The following VCL variants were observed in gnomAD, a reference collection of about 807,000 sequenced individuals.
VCL encodes epididymis luminal protein 114.
Under a neutral mutation model 125.7 loss-of-function variants are expected in VCL, and 47 were observed. The observed-to-expected ratio is 0.37, with a 90% CI of 0.30 to 0.48. The LOEUF (loss-of-function observed/expected upper bound fraction) is 0.48, where lower values mean the gene tolerates loss of function less well. Among genes scored for constraint, VCL ranks in the 20% least tolerant of loss-of-function variants. The pLI, the probability that VCL is intolerant of heterozygous loss-of-function variation, is 0.99. For synonymous variants in VCL, 458 were observed against 514.6 expected, an observed-to-expected ratio of 0.89 and a Z score of 1.49; for missense variants, 1,069 against 1,455.5, an observed-to-expected ratio of 0.73 and a Z score of 4.32.
At chr10:74,043,825 T>C (rs946019011) in intron 2 of VCL, among the ~76,000 whole-genome samples, 5 of 151,380 alleles carry the variant, frequency 3.3e-5, no homozygotes, top group Admixed American at 6.6e-5. Context: ...ATTATTGTTT[T>C]GGCCGGGCGT....
intron 14 of VCL, among the ~76,000 whole-genome samples, chr10:74,103,358 T>A (rs900947985): frequency 6.6e-6 from 1 of 152,216 alleles, no homozygotes; most frequent in Non-Finnish European, 1.5e-5. Flanking sequence ...TCACTTAAAT[T>A]TTCTGAGACT....
chr10:74,036,268 T>C (rs1332911802), intron 1 of VCL, among the ~76,000 whole-genome samples: 1 of 152,192 alleles, frequency 6.6e-6, no homozygotes, highest in East Asian at 1.9e-4. Flanking sequence ...CATGGCACGA[T>C]CTCGGCTCAC....
At chr10:74,041,104 C>T (rs1396854798) in intron 1 of VCL, among the ~76,000 whole-genome samples, 1 of 152,208 alleles carries the variant, frequency 6.6e-6, no homozygotes, top group Non-Finnish European at 1.5e-5. Flanking sequence ...TCACCTTGGT[C>T]TCCCAAAGTG....
At chr10:74,043,476 A>G (rs1841135657) in intron 2 of VCL, among the ~76,000 whole-genome samples, 1 of 151,912 alleles carries the variant, frequency 6.6e-6, no homozygotes, top group Non-Finnish European at 1.5e-5. Flanking sequence ...CCTCTGGAAT[A>G]GCTTGGATTA....
At chr10:74,045,747 T>TA (rs1841188259) in intron 2 of VCL, among the ~76,000 whole-genome samples, 1 of 152,042 alleles carries the variant, frequency 6.6e-6, no homozygotes, top group Admixed American at 6.6e-5. Flanking sequence ...AGGGTAGTCC[T>TA]ACCTCTGGGA....
chr10:74,080,071 GA>G (rs1839652871), intron 6 of VCL, among the ~76,000 whole-genome samples: 1 of 151,974 alleles, frequency 6.6e-6, no homozygotes, highest in Non-Finnish European at 1.5e-5. Flanking sequence ...TTATTAAGGA[GA>G]AAAAAAGAAA....
chr10:74,090,805 A>G (rs199802396), intron 10 of VCL, among the ~76,000 whole-genome samples: 1 of 145,072 alleles, frequency 6.9e-6, no homozygotes, highest in African/African-American at 2.6e-5. Flanking sequence ...TTTATTTTTT[A>G]TTTTTATTTT....
At position 74,118,498 on chromosome 10, in the gene VCL, C is replaced by T. The variant is rs911490986; in HGVS notation, c.*329C>T. On this transcript the variant is annotated 3_prime_UTR_variant, in exon 22 of 22. Coordinates refer to ENST00000211998, the MANE Select transcript of VCL (RefSeq NM_014000.3). ...ACACTAGCCAGACACTCTGCTCTGCCCTTGTTCCCTAGGGGACACTTCCCT... is the reference window on the plus strand; with the variant it reads ...ACACTAGCCAGACACTCTGCTCTGCTCTTGTTCCCTAGGGGACACTTCCCT... The T allele has an allele frequency of 7.9e-6, 3 of 381,178 alleles. No homozygotes were observed. The Admixed American group carries it at 1.1e-4, about 14-fold the overall frequency. 23.6% of individuals were successfully genotyped at this position (381,178 alleles called of 1,614,324 possible).
intron 6 of VCL, among the ~76,000 whole-genome samples, chr10:74,079,230 A>C (rs1021039217): frequency 1.3e-5 from 2 of 152,194 alleles, no homozygotes; most frequent in African/African-American, 4.8e-5. Context: ...GGAGCATAAC[A>C]TGGTGGGGGA....
intron 17 of VCL, among the ~76,000 whole-genome samples, chr10:74,108,452 A>T (rs1482407791): frequency 6.6e-6 from 1 of 151,964 alleles, no homozygotes; most frequent in Non-Finnish European, 1.5e-5. Flanking sequence ...GATGCAACCA[A>T]AACAGTAGCT....
At chr10:74,088,021 C>T (rs1222890549) in intron 8 of VCL, among the ~76,000 whole-genome samples, 1 of 152,096 alleles carries the variant, frequency 6.6e-6, no homozygotes, top group Non-Finnish European at 1.5e-5. Context: ...AAAAAACCCA[C>T]AGAGGCTAGA....
chr10:74,094,607 C>A, intron 11 of VCL, 146 bp downstream of exon 11: 1 of 1,071,446 alleles, frequency 9.3e-7, no homozygotes, highest in Non-Finnish European at 1.4e-6. Context: ...CAAATGCAGC[C>A]AGTAAAATTC....
chr10:74,107,431 T>C, intron 17 of VCL, 77 bp downstream of exon 17: 2 of 1,610,744 alleles, frequency 1.2e-6, no homozygotes, highest in Non-Finnish European at 1.7e-6. Flanking sequence ...GATTGTGTTT[T>C]AGAGCCTCCA....
rs766393966 is a variant in VCL, at chr10:74,090,051, C to T, written c.1205C>T (p.Pro402Leu). The change falls in exon 10 of 22, where the codon CCG becomes CTG. Residue 402 changes from proline to leucine, a missense_variant. This residue lies in a region of VCL where 760 missense variants were observed against 928.9 expected (regional missense o/e 0.82). Transcript: ENST00000211998. ...QNWLADPNGGPEGEEQIRGAL... is the reference protein window; with the variant it reads ...QNWLADPNGGLEGEEQIRGAL... ...TGGCTTGCAGATCCAAATGGTGGAC[C>T]GGAAGGAGAAGAGCAGATTCGAGGT... is the stretch of plus-strand genomic sequence containing the variant. The T allele has an allele frequency of 3.6e-5, 58 of 1,613,786 alleles. No homozygotes were observed. The highest frequency in any genetic ancestry group is 4.4e-5 in the Non-Finnish European group (52 of 1,179,976).
chr10:74,102,014 C>T (rs1235907455), intron 14 of VCL, among the ~76,000 whole-genome samples: 6 of 141,364 alleles, frequency 4.2e-5, no homozygotes, highest in African/African-American at 8.1e-5. Flanking sequence ...TACAGGCACC[C>T]GCCACCATGC....
At chr10:74,036,872 A>T (rs900353458) in intron 1 of VCL, among the ~76,000 whole-genome samples, 6 of 151,804 alleles carry the variant, frequency 4.0e-5, no homozygotes, top group African/African-American at 1.5e-4. Context: ...CATTTTGTGA[A>T]TTAATCCCTT....
chr10:74,024,047 A>G (rs1205915151), intron 1 of VCL, among the ~76,000 whole-genome samples: 1 of 152,208 alleles, frequency 6.6e-6, no homozygotes, highest in Non-Finnish European at 1.5e-5. Context: ...GATATCATAA[A>G]GGTTACTCTT....
chr10:74,040,503 G>A (rs1045112211), intron 1 of VCL, among the ~76,000 whole-genome samples: 1 of 152,110 alleles, frequency 6.6e-6, no homozygotes, highest in African/African-American at 2.4e-5. Flanking sequence ...CCTTTATACT[G>A]AATGTGAACT....
At chr10:74,014,567 A>C (rs999270875) in intron 1 of VCL, among the ~76,000 whole-genome samples, 1 of 151,742 alleles carries the variant, frequency 6.6e-6, no homozygotes. Flanking sequence ...AAAAAAAAAG[A>C]AAAAAAGCAA....
Sources: allele counts gnomAD v4.1 joint callset (sites outside exome capture counted in the v4.1 genomes callset), GRCh38; gene constraint gnomAD v4.1.1; regional missense constraint gnomAD v4.1.1; transcripts MANE v1.5; gene names NCBI Gene and HGNC (gene_info 2026-07-23, HGNC 2026-07-21).